The following GABRB1 variants were observed in gnomAD, a reference collection of about 807,000 sequenced individuals.
The protein encoded by GABRB1 is gamma-aminobutyric acid receptor subunit beta-1.
A neutral mutation model predicts 51.6 loss-of-function variants in GABRB1; 17 were observed. That is an observed-to-expected ratio of 0.33 (90% confidence interval 0.23 to 0.49). The LOEUF (loss-of-function observed/expected upper bound fraction) is 0.49, where lower values mean the gene tolerates loss of function less well. Ranked by LOEUF, GABRB1 falls within the 20% of genes least tolerant of loss-of-function variation. The pLI, the probability that GABRB1 is intolerant of heterozygous loss-of-function variation, is 0.99. For synonymous variants in GABRB1, 247 were observed against 218.9 expected, an observed-to-expected ratio of 1.13 and a Z score of -1.14; for missense variants, 410 against 600.6, an observed-to-expected ratio of 0.68 and a Z score of 3.32.
chr4:47,294,608 C>T (rs541186351), intron 4 of GABRB1, among the ~76,000 whole-genome samples: 4 of 152,338 alleles, frequency 2.6e-5, no homozygotes, highest in South Asian at 4.1e-4. Context: ...CCGGGAAGCT[C>T]GAATTGGGTG....
chr4:47,371,316 T>G (rs1012253340), intron 5 of GABRB1, among the ~76,000 whole-genome samples: 4 of 152,188 alleles, frequency 2.6e-5, no homozygotes, highest in Non-Finnish European at 5.9e-5. Context: ...ATGTACCACA[T>G]TTTCTTTACC....
intron 5 of GABRB1, among the ~76,000 whole-genome samples, chr4:47,341,913 A>G (rs1351848832): frequency 6.6e-6 from 1 of 152,178 alleles, no homozygotes; most frequent in Non-Finnish European, 1.5e-5. Flanking sequence ...CTTTTAGGGA[A>G]CACAAGCACT....
At chr4:47,295,691 A>C (rs1463623225) in intron 4 of GABRB1, among the ~76,000 whole-genome samples, 1 of 152,236 alleles carries the variant, frequency 6.6e-6, no homozygotes, top group Non-Finnish European at 1.5e-5. Context: ...TTTGCAGGAT[A>C]TTATCCAGGA....
At chr4:47,262,113 C>T (rs1722463455) in intron 4 of GABRB1, among the ~76,000 whole-genome samples, 1 of 151,286 alleles carries the variant, frequency 6.6e-6, no homozygotes, top group East Asian at 1.9e-4. Flanking sequence ...TAGGCATTAC[C>T]ATTCAGGACA....
At chr4:47,368,085 A>C (rs539773061) in intron 5 of GABRB1, among the ~76,000 whole-genome samples, 1 of 152,304 alleles carries the variant, frequency 6.6e-6, no homozygotes, top group African/African-American at 2.4e-5. Flanking sequence ...TGGGAACTCC[A>C]AGCCCAATAT....
At chr4:47,222,434 TC>T in intron 4 of GABRB1, among the ~76,000 whole-genome samples, 2 of 152,188 alleles carry the variant, frequency 1.3e-5, no homozygotes, top group East Asian at 3.9e-4. Flanking sequence ...CTTGCTTTGG[TC>T]AATAAGCCTT....
intron 4 of GABRB1, among the ~76,000 whole-genome samples, chr4:47,235,863 T>C (rs1289617977): frequency 2.6e-5 from 4 of 152,166 alleles, no homozygotes; most frequent in Non-Finnish European, 5.9e-5. Flanking sequence ...ATTAAATTCA[T>C]CTCATGACTC....
rs530161605 is a variant in GABRB1, at chr4:47,297,537, A to T, written c.462-22590A>T. Among the ~76,000 whole-genome samples, 418 of 152,180 alleles carry T rather than the reference A, an allele frequency of 2.7e-3. 1 individual carries two copies. The highest frequency in any genetic ancestry group is 5.1e-3 in the Admixed American group (78 of 15,280). On this transcript the variant is annotated intron_variant, in intron 4 of 8. Transcript: ENST00000295454. The stretch of plus-strand genomic sequence containing the variant: ...AATAGATAAATTCCTCGACACATAC[A>T]CCCTCCCAAGACTAAACCAGGAAGA...
intron 4 of GABRB1, among the ~76,000 whole-genome samples, chr4:47,244,572 G>A (rs1301963981): frequency 2.0e-5 from 3 of 152,084 alleles, no homozygotes; most frequent in Non-Finnish European, 2.9e-5. Context: ...CCTGCTATTG[G>A]TGTATTCAGG....
intron 4 of GABRB1, 86 bp from the exon 5 acceptor site, chr4:47,320,041 G>A: frequency 1.1e-6 from 1 of 923,036 alleles, no homozygotes; most frequent in East Asian, 2.4e-5. Context: ...CTGCCAACTG[G>A]TAAACATGAT....
intron 3 of GABRB1, among the ~76,000 whole-genome samples, chr4:47,062,549 C>T (rs563428290): frequency 1.8e-4 from 28 of 151,856 alleles, no homozygotes; most frequent in African/African-American, 6.3e-4. Flanking sequence ...TAAATATTGT[C>T]GTATATCCTA....
At chr4:47,302,928 T>C (rs1308448436) in intron 4 of GABRB1, among the ~76,000 whole-genome samples, 1 of 152,012 alleles carries the variant, frequency 6.6e-6, no homozygotes, top group Non-Finnish European at 1.5e-5. Context: ...ATGTTTAATG[T>C]AACCTAGGCA....
At chr4:47,285,793 C>G (rs1479861697) in intron 4 of GABRB1, among the ~76,000 whole-genome samples, 1 of 152,126 alleles carries the variant, frequency 6.6e-6, no homozygotes, top group Non-Finnish European at 1.5e-5. Flanking sequence ...TCATAAAAGG[C>G]CTGGTACATA....
At chr4:47,254,245 G>A (rs948445239) in intron 4 of GABRB1, among the ~76,000 whole-genome samples, 3 of 151,150 alleles carry the variant, frequency 2.0e-5, no homozygotes, top group African/African-American at 7.3e-5. Flanking sequence ...AGGTTTTCCA[G>A]TAACCCTGAT....
At chr4:47,081,863 T>C (rs1280119066) in intron 3 of GABRB1, among the ~76,000 whole-genome samples, 1 of 152,078 alleles carries the variant, frequency 6.6e-6, no homozygotes. Flanking sequence ...GAATTAAGCT[T>C]TTCTTGGTAT....
At chr4:47,171,286 G>A (rs1718425702) in intron 4 of GABRB1, among the ~76,000 whole-genome samples, 1 of 149,592 alleles carries the variant, frequency 6.7e-6, no homozygotes, top group Non-Finnish European at 1.5e-5. Context: ...AAAAAGAAAA[G>A]ACTTAGATAA....
At chr4:47,350,166 T>G (rs1386467257) in intron 5 of GABRB1, among the ~76,000 whole-genome samples, 1 of 143,268 alleles carries the variant, frequency 7.0e-6, no homozygotes, top group Non-Finnish European at 1.5e-5. Flanking sequence ...TTTAAAATAT[T>G]TCCTCTTGGG....
chr4:47,401,823 G>GCTAT (rs940052572), intron 5 of GABRB1, among the ~76,000 whole-genome samples: 1 of 36,976 alleles, frequency 2.7e-5, no homozygotes, highest in Admixed American at 1.5e-4. Flanking sequence ...TATCTATCTA[G>GCTAT]CTATCTATCT....
intron 4 of GABRB1, among the ~76,000 whole-genome samples, chr4:47,217,504 C>T (rs62303965): frequency 9.9e-5 from 15 of 151,804 alleles, no homozygotes; most frequent in Non-Finnish European, 1.5e-4. Flanking sequence ...CCTGTTCATG[C>T]TTGTCTCTAG....
Sources: gnomAD v4.1 joint callset for allele counts (sites outside exome capture counted in the v4.1 genomes callset) on GRCh38, gnomAD v4.1.1 for gene constraint, MANE v1.5 for transcripts, NCBI Gene and HGNC (gene_info 2026-07-23, HGNC 2026-07-21) for gene names.